The following DOK5 variants were observed in gnomAD, a reference collection of about 807,000 sequenced individuals.
DOK5 encodes downstream of tyrosine kinase 5.
DOK5 carries 27 observed loss-of-function variants against 43.3 expected under a neutral mutation model. The ratio of observed to expected loss-of-function variants is 0.62; its 90% CI spans 0.46 to 0.86. DOK5 has a LOEUF of 0.86. Among genes scored for constraint, DOK5 ranks in the 40% least tolerant of loss-of-function variants. The probability of loss-of-function intolerance (pLI) is 0.00; values close to 1 mark genes in which losing one functional copy is unlikely to be tolerated. For synonymous variants in DOK5, 146 were observed against 140.1 expected (o/e 1.04, Z -0.30); for missense variants, 373 against 392.9 (o/e 0.95, Z 0.43).
chr20:54,576,932 A>C (rs182631580), intron 2 of DOK5, among the ~76,000 whole-genome samples: 11 of 152,230 alleles, frequency 7.2e-5, no homozygotes, highest in African/African-American at 2.4e-4. Context: ...GCAGTTTATG[A>C]TTTTCAGAAA....
chr20:54,516,820 C>T (rs1983213143), intron 1 of DOK5, among the ~76,000 whole-genome samples: 1 of 152,190 alleles, frequency 6.6e-6, no homozygotes, highest in Non-Finnish European at 1.5e-5. Context: ...AATTTACAGT[C>T]TAGGGGGTAG....
In DOK5 at chr20:54,637,995, A is replaced by G. The variant is rs183917633; in HGVS notation, c.736-5463A>G. Among the ~76,000 whole-genome samples the G allele has an allele frequency of 1.1e-3, 160 of 152,094 alleles. 1 individual carries two copies. The highest frequency in any genetic ancestry group is 6.4e-3 in the South Asian group (31 of 4,814). On this transcript the variant is annotated intron_variant, in intron 6 of 7. Coordinates refer to ENST00000262593, the MANE Select transcript of DOK5 (RefSeq NM_018431.5). ...TAATCAGCCAGGCGTGGTGGCGGGC[A>G]CCTGTAGTCCCAGTGACTTGGGAGG... is the stretch of plus-strand genomic sequence containing the variant.
At chr20:54,498,003 C>T (rs971925725) in intron 1 of DOK5, among the ~76,000 whole-genome samples, 1 of 152,074 alleles carries the variant, frequency 6.6e-6, no homozygotes, top group Non-Finnish European at 1.5e-5. Flanking sequence ...TTCTCTATGT[C>T]GTAAGGGTAC....
intron 2 of DOK5, among the ~76,000 whole-genome samples, chr20:54,561,655 CTTTA>C (rs1382158082): frequency 6.6e-6 from 1 of 152,100 alleles, no homozygotes; most frequent in Admixed American, 6.5e-5. Flanking sequence ...TTGTTTAAGC[CTTTA>C]TTTATTTATT....
intron 1 of DOK5, among the ~76,000 whole-genome samples, chr20:54,504,852 C>T (rs1982747112): frequency 6.6e-6 from 1 of 152,166 alleles, no homozygotes; most frequent in Non-Finnish European, 1.5e-5. Context: ...CATAGTTTGG[C>T]TCATATCTGT....
chr20:54,627,705 C>T (rs1978363875), intron 6 of DOK5, among the ~76,000 whole-genome samples: 1 of 152,170 alleles, frequency 6.6e-6, no homozygotes, highest in Admixed American at 6.5e-5. Context: ...ACCTACAAAG[C>T]TTGTAAAGCC....
intron 1 of DOK5, among the ~76,000 whole-genome samples, chr20:54,520,134 A>T (rs1983342159): frequency 6.6e-6 from 1 of 152,090 alleles, no homozygotes; most frequent in South Asian, 2.1e-4. Context: ...GAACACTCCT[A>T]ATCCTGCCCC....
chr20:54,519,151 G>T (rs1983304297), intron 1 of DOK5, among the ~76,000 whole-genome samples: 1 of 152,120 alleles, frequency 6.6e-6, no homozygotes, highest in African/African-American at 2.4e-5. Flanking sequence ...AACATGTCCA[G>T]GATCACCTAA....
chr20:54,552,313 A>T (rs1430170108), intron 1 of DOK5, among the ~76,000 whole-genome samples: 1 of 152,140 alleles, frequency 6.6e-6, no homozygotes, highest in Non-Finnish European at 1.5e-5. Context: ...ACAATAACAT[A>T]TTATGAACAC....
chr20:54,514,574 AGAAGTT>A (rs1388978109), intron 1 of DOK5, among the ~76,000 whole-genome samples: 1 of 148,112 alleles, frequency 6.8e-6, no homozygotes, highest in Admixed American at 6.7e-5. Context: ...GCTTACTGAG[AGAAGTT>A]TTACTCTTTT....
chr20:54,530,634 T>C (rs1983738121), intron 1 of DOK5, among the ~76,000 whole-genome samples: 1 of 152,170 alleles, frequency 6.6e-6, no homozygotes, highest in South Asian at 2.1e-4. Context: ...CCTCATTCTT[T>C]CTGTAACCTC....
intron 1 of DOK5, among the ~76,000 whole-genome samples, chr20:54,481,619 T>C (rs746892833): frequency 1.3e-5 from 2 of 152,202 alleles, no homozygotes; most frequent in Non-Finnish European, 2.9e-5. Flanking sequence ...CTGGGACTTG[T>C]TTCTCTCTTC....
intron 2 of DOK5, chr20:54,555,352 T>G: frequency 4.9e-6 from 1 of 204,926 alleles, no homozygotes; most frequent in South Asian, 1.2e-4. Flanking sequence ...TCATTGTGTC[T>G]CAGACACTGC....
At chr20:54,611,391 G>A (rs1487295619) in intron 6 of DOK5, among the ~76,000 whole-genome samples, 1 of 151,994 alleles carries the variant, frequency 6.6e-6, no homozygotes, top group Non-Finnish European at 1.5e-5. Context: ...GGGAGACCCT[G>A]TCTCTACAAA....
chr20:54,522,262 A>G (rs1983428796), intron 1 of DOK5, among the ~76,000 whole-genome samples: 1 of 151,230 alleles, frequency 6.6e-6, no homozygotes, highest in African/African-American at 2.4e-5. Flanking sequence ...AAGTTTACGA[A>G]TTTGTGTTGG....
At position 54,591,711 on chromosome 20, in the gene DOK5, G is replaced by T; in HGVS notation, c.505G>T (p.Val169Phe). The change falls in exon 5 of 8, where the codon GTC (valine) becomes TTC (phenylalanine). Residue 169 changes from valine to phenylalanine, a missense_variant. Coordinates refer to ENST00000262593, the MANE Select transcript of DOK5 (RefSeq NM_018431.5). Reference sequence around the variant, plus strand: ...ATATGAGTATATCTGTCTTTGGGACGTCCAGAATCCCAGAGTCAAACTCAT... The same window carrying T: ...ATATGAGTATATCTGTCTTTGGGACTTCCAGAATCCCAGAGTCAAACTCAT... ...ITYEYICLWD[V>F]QNPRVKLISW... 1 of 1,614,186 alleles carries T rather than the reference G, an allele frequency of 6.2e-7. No homozygotes were observed. The highest frequency in any genetic ancestry group is 8.5e-7 in the Non-Finnish European group (1 of 1,180,014).
At chr20:54,533,421 C>T (rs889526656) in intron 1 of DOK5, among the ~76,000 whole-genome samples, 1 of 152,064 alleles carries the variant, frequency 6.6e-6, no homozygotes, top group Non-Finnish European at 1.5e-5. Context: ...TTATAAGAGG[C>T]CATTTCACAG....
chr20:54,644,718 A>AAAAAAAC (rs1979307865), intron 7 of DOK5, among the ~76,000 whole-genome samples: 8 of 142,568 alleles, frequency 5.6e-5, no homozygotes, highest in African/African-American at 2.1e-4. Context: ...AAAAAAAAAA[A>AAAAAAAC]AAAAAACAAA....
intron 1 of DOK5, among the ~76,000 whole-genome samples, chr20:54,539,548 A>G (rs1487162383): frequency 6.6e-6 from 1 of 152,302 alleles, no homozygotes; most frequent in African/African-American, 2.4e-5. Context: ...CTCAACTATT[A>G]TCTCCAAATA....
Sources: allele counts gnomAD v4.1 joint callset (sites outside exome capture counted in the v4.1 genomes callset), GRCh38; gene constraint gnomAD v4.1.1; transcripts MANE v1.5; gene names NCBI Gene and HGNC (gene_info 2026-07-23, HGNC 2026-07-21).